Variants in AMOT observed in about 807,000 individuals in gnomAD.
AMOT encodes the protein angiomotin.
In AMOT, 11 loss-of-function variants were observed where a neutral mutation model predicts 67.0. That is an observed-to-expected ratio of 0.16 (90% CI 0.10 to 0.27). The LOEUF (loss-of-function observed/expected upper bound fraction) is 0.27, where lower values mean the gene tolerates loss of function less well. Ranked by LOEUF, AMOT falls within the 10% of genes least tolerant of loss-of-function variation. The probability of loss-of-function intolerance (pLI) is 1.00; values close to 1 mark genes in which losing one functional copy is unlikely to be tolerated. For missense variants in AMOT, 753 were observed against 852.0 expected (o/e 0.88, Z 1.45); for synonymous variants, 326 against 321.4 (o/e 1.01, Z -0.15).
chrX:112,825,967 A>G (rs1353117976), intron 2 of AMOT, among the ~76,000 whole-genome samples: 1 of 109,235 alleles, frequency 9.2e-6, no homozygotes, highest in Admixed American at 9.9e-5. Context: ...AGATGCCTCC[A>G]CTTGCTTTCT....
chrX:112,790,922 C>G (rs1933551282), intron 9 of AMOT, 140 bp from the exon 10 acceptor site: 1 of 543,981 alleles, frequency 1.8e-6, no homozygotes. Context: ...GAATTCAGAT[C>G]TCCTCCCAGG....
intron 2 of AMOT, among the ~76,000 whole-genome samples, chrX:112,829,397 C>T (rs1306498147): frequency 9.0e-6 from 1 of 111,295 alleles, no homozygotes; most frequent in Non-Finnish European, 1.9e-5. Context: ...GCTCCCCCAT[C>T]GCCTTCTGCC....
At chrX:112,810,109 T>C (rs1364231079) in intron 6 of AMOT, 123 bp from the exon 7 acceptor site, 15 of 512,214 alleles carry the variant, frequency 2.9e-5, no homozygotes, top group Non-Finnish European at 3.2e-6. Context: ...CAGGAATGGG[T>C]GACTAACATG....
At chrX:112,820,438 C>A (rs960556861) in intron 4 of AMOT, among the ~76,000 whole-genome samples, 7 of 111,695 alleles carry the variant, frequency 6.3e-5, no homozygotes, top group Admixed American at 2.8e-4. Context: ...CCTCTTTGGG[C>A]TCCTCATTAT....
rs191582558 is a variant in AMOT at position 112,837,903 on chromosome X, T to C, written c.-289+2549A>G. Reference sequence around the variant, plus strand: ...TCCATGGGAGAAAGAGATGATGTAATAGGAGATTTGGAAACATTTACCCAT... The same window carrying C: ...TCCATGGGAGAAAGAGATGATGTAACAGGAGATTTGGAAACATTTACCCAT... On this transcript the variant is annotated intron_variant, in intron 1 of 13. Transcript: ENST00000371959. 8.9e-4 allele frequency among the ~76,000 whole-genome samples: 100 copies of C among 111,740 alleles called. No homozygotes were observed. In the Admixed American group the frequency reaches 9.4e-3, roughly 11 times the overall value.
intron 7 of AMOT, among the ~76,000 whole-genome samples, chrX:112,809,115 G>A (rs1934276393): frequency 9.0e-6 from 1 of 111,623 alleles, no homozygotes; most frequent in Non-Finnish European, 1.9e-5. Context: ...GAGGGAGACT[G>A]GGGGTAGAGG....
Position 112,822,250 on chromosome X carries a change from C to T in AMOT, c.872+5G>A, listed in dbSNP as rs1934734804. 9.2e-7 allele frequency: 1 copy of T among 1,092,017 alleles called. No homozygotes were observed. Among genetic ancestry groups the T allele is most frequent in the Non-Finnish European group, 1.2e-6 (1 of 837,607 alleles). The allele number at this position is 1,092,017 out of a possible 1,213,427, so 90.0% of individuals were successfully genotyped here. On this transcript the variant is annotated splice_donor_5th_base_variant and intron_variant, in intron 4 of 13. Coordinates refer to ENST00000371959, the MANE Select transcript of AMOT (RefSeq NM_001113490.2). ...CAGGAAATGACAGAAACAGAACTCT[C>T]TTACCTGGCTGCTCCATACTCAGGG...
rs1373135271 is a variant in AMOT at position 112,779,645 on chromosome X, C to T, written c.2509G>A (p.Val837Ile). ...GGCACAGGCGAGGGTGTGGAAGGGA[C>T]ATATTCAGCACGGTAGTCTCCACCC... The part of the protein sequence containing the change: ...LLGGDYRAEY[V>I]PSTPSPVPPS... Residue 837 changes from valine (V) to isoleucine (I), a missense_variant, in exon 13 of 14, where the codon GTC (valine) becomes ATC (isoleucine). Around this residue, in one of 5 missense-constraint regions of AMOT, gnomAD observed 269 missense variants for 300.9 expected, o/e 0.89. Coordinates refer to ENST00000371959, the MANE Select transcript of AMOT (RefSeq NM_001113490.2). 1 of 1,208,837 alleles carries T rather than the reference C, an allele frequency of 8.3e-7. No homozygotes were observed. The highest frequency in any genetic ancestry group is 3.0e-5 in the East Asian group (1 of 33,790).
Position 112,779,510 on chromosome X carries a change from A to G in AMOT, c.2644T>C (p.Ser882Pro), listed in dbSNP as rs908860484. ...SNKTAAVAPI[S>P]VPAPVAAAAT... Reference sequence around the variant, plus strand: ...GCAGCAGCAACTGGAGCAGGAACAGAGATGGGAGCAACAGCTGCAGTTTTG... The same window carrying G: ...GCAGCAGCAACTGGAGCAGGAACAGGGATGGGAGCAACAGCTGCAGTTTTG... Residue 882 changes from serine (S) to proline (P), a missense_variant, in exon 13 of 14, where the codon TCT becomes CCT. By Grantham distance (74) the Ser-to-Pro change is moderately conservative. Transcript: ENST00000371959. 4.1e-6 allele frequency: 5 copies of G among 1,209,325 alleles called. No homozygotes were observed. The highest frequency in any genetic ancestry group is 5.6e-6 in the Non-Finnish European group (5 of 895,093).
At chrX:112,790,936 A>G (rs1288629827) in intron 9 of AMOT, among the ~76,000 whole-genome samples, 154 bp from the exon 10 acceptor site, 1 of 111,619 alleles carries the variant, frequency 9.0e-6, no homozygotes, top group East Asian at 2.8e-4. Context: ...TCCCAGGGCC[A>G]CAGGACTTCC....
At chrX:112,816,443 T>C (rs973906114) in intron 4 of AMOT, among the ~76,000 whole-genome samples, 5 of 111,681 alleles carry the variant, frequency 4.5e-5, no homozygotes, top group East Asian at 5.6e-4. Context: ...GATTGGTAGA[T>C]ACTTATATTA....
intron 13 of AMOT, 102 bp from the exon 14 acceptor site, chrX:112,778,766 G>A (rs1933005593): frequency 1.3e-6 from 1 of 791,251 alleles, no homozygotes; most frequent in Non-Finnish European, 1.8e-6. Flanking sequence ...ATGGCAAAGT[G>A]AGACTTGCCT....
In AMOT at chrX:112,805,077, C is replaced by T. The variant is rs147627113; in HGVS notation, c.1646G>A (p.Arg549His). Reference protein sequence around the residue: ...QLFAKNKESQREKEKLEAELA... With the variant: ...QLFAKNKESQHEKEKLEAELA... ...CTCCGCTTCCAGCTTCTCCTTCTCA[C>T]GCTGGCTTTCTTTATCTGTCAGGAC... Residue 549 changes from arginine to histidine, a missense_variant, in exon 8 of 14, where the codon CGT becomes CAT. Physicochemically the swap from Arg to His is conservative, Grantham distance 29. Around this residue, in one of 5 missense-constraint regions of AMOT, gnomAD observed 297 missense variants for 284.3 expected, o/e 1.04. Coordinates refer to ENST00000371959, the MANE Select transcript of AMOT (RefSeq NM_001113490.2). The T allele has an allele frequency of 2.1e-5, 25 of 1,209,615 alleles. No homozygotes were observed. The highest frequency in any genetic ancestry group is 1.1e-4 in the Admixed American group (5 of 45,676).
intron 1 of AMOT, among the ~76,000 whole-genome samples, chrX:112,832,866 T>A (rs1935028189): frequency 9.0e-6 from 1 of 110,932 alleles, no homozygotes; most frequent in Non-Finnish European, 1.9e-5. Flanking sequence ...CCAGCAGGTG[T>A]ATGGACAGGA....
intron 1 of AMOT, among the ~76,000 whole-genome samples, chrX:112,832,703 A>G (rs757106717): frequency 8.9e-6 from 1 of 112,168 alleles, no homozygotes; most frequent in Non-Finnish European, 1.9e-5. Context: ...CCACGCCAAC[A>G]CTGGGATGAC....
chrX:112,786,748 GTTC>G lies in AMOT; in HGVS notation c.2117+3841_2117+3843del, dbSNP rs766191121. On this transcript the variant is annotated intron_variant, in intron 10 of 13. Transcript: ENST00000371959. The stretch of plus-strand genomic sequence containing the variant: ...GACAAAAATACAGATTTAAATCCTA[GTTC>G]TTCTGCCATTTAGTAGCTGTGTGTG... Among the ~76,000 whole-genome samples, 202 of 112,332 alleles carry G rather than the reference GTTC, an allele frequency of 1.8e-3. 2 individuals carry two copies. Among genetic ancestry groups the G allele is most frequent in the African/African-American group, 6.1e-3 (190 of 30,965 alleles).
At chrX:112,800,348 G>A (rs1292883396) in intron 8 of AMOT, among the ~76,000 whole-genome samples, 2 of 112,439 alleles carry the variant, frequency 1.8e-5, no homozygotes, top group Non-Finnish European at 3.8e-5. Flanking sequence ...ATCCTTAGAT[G>A]AAATGCCCTT....
intron 8 of AMOT, among the ~76,000 whole-genome samples, chrX:112,795,248 CTG>C (rs575390682): frequency 0.1 from 10,740 of 103,506 alleles, 544 homozygotes; most frequent in Admixed American, 0.21. Context: ...GTCTCTCTCT[CTG>C]TGTGTGTGTG....
intron 4 of AMOT, among the ~76,000 whole-genome samples, chrX:112,816,905 A>C (rs1163895756): frequency 8.9e-6 from 1 of 112,189 alleles, no homozygotes; most frequent in Non-Finnish European, 1.9e-5. Context: ...CCTAAGTATA[A>C]ATAATTCATA....
Sources: allele counts gnomAD v4.1 joint callset (sites outside exome capture counted in the v4.1 genomes callset), GRCh38; gene constraint gnomAD v4.1.1; regional missense constraint gnomAD v4.1.1; transcripts MANE v1.5; gene names NCBI Gene and HGNC (gene_info 2026-07-23, HGNC 2026-07-21).